Variants in NRXN1 observed in about 807,000 individuals in gnomAD.
The protein encoded by NRXN1 is neurexin 1, also known as neurexin-1.
NRXN1 carries 39 observed loss-of-function variants against 150.9 expected under a neutral mutation model. The ratio of observed to expected loss-of-function variants is 0.26; its 90% CI spans 0.20 to 0.34. The LOEUF (loss-of-function observed/expected upper bound fraction) is 0.34. Ranked by LOEUF, NRXN1 falls within the 10% of genes least tolerant of loss-of-function variation. The pLI, the probability that NRXN1 is intolerant of heterozygous loss-of-function variation, is 1.00. For synonymous variants in NRXN1, 924 were observed against 757.0 expected (o/e 1.22, Z -3.62); for missense variants, 1,815 against 1,949.9 (o/e 0.93, Z 1.30).
chr2:50,077,438 T>C (rs1697281523), intron 19 of NRXN1, among the ~76,000 whole-genome samples: 2 of 151,398 alleles, frequency 1.3e-5, no homozygotes, highest in African/African-American at 2.5e-5. Flanking sequence ...ATTGTGCTCA[T>C]TCTGCCTTTC....
intron 17 of NRXN1, among the ~76,000 whole-genome samples, chr2:50,377,973 G>A (rs888897074): frequency 6.6e-6 from 1 of 152,130 alleles, no homozygotes; most frequent in Non-Finnish European, 1.5e-5. Flanking sequence ...AACTGTCCAA[G>A]TTCAATGACA....
intron 2 of NRXN1, chr2:51,026,544 C>A (rs1020732655): frequency 3.1e-5 from 30 of 956,666 alleles, no homozygotes; most frequent in Non-Finnish European, 4.2e-5. Flanking sequence ...CCAAGAACCA[C>A]AGAAATTACA....
intron 5 of NRXN1, among the ~76,000 whole-genome samples, chr2:50,756,967 C>T (rs768282058): frequency 5.9e-5 from 9 of 151,756 alleles, no homozygotes; most frequent in Non-Finnish European, 1.2e-4. Context: ...GGCTGTGTTG[C>T]TGTGGCTAAA....
chr2:50,497,367 C>T lies in NRXN1; in HGVS notation c.2845G>A (p.Gly949Arg), dbSNP rs868833247. Reference protein sequence around the residue: ...DGLILYNSGDGNDFIVVELVK... With the variant: ...DGLILYNSGDRNDFIVVELVK... ...AATTCAACCACAATAAAGTCATTTC[C>T]ATCCCCACTGTTATATAGAATTAAT... Residue 949 changes from glycine to arginine, a missense_variant, in exon 14 of 23, where the codon GGA becomes AGA. Transcript: ENST00000401669. 1.9e-6 allele frequency: 3 copies of T among 1,553,886 alleles called. No homozygotes were observed. In the African/African-American group the frequency reaches 4.1e-5, roughly 21 times the overall value.
chr2:50,734,913 G>C (rs1451935725), intron 5 of NRXN1, among the ~76,000 whole-genome samples: 4 of 152,090 alleles, frequency 2.6e-5, no homozygotes, highest in Non-Finnish European at 4.4e-5. Flanking sequence ...CGAACAACAA[G>C]TAGTTGAAAG....
At chr2:50,354,634 T>C (rs989370516) in intron 17 of NRXN1, among the ~76,000 whole-genome samples, 2 of 148,614 alleles carry the variant, frequency 1.3e-5, no homozygotes, top group African/African-American at 4.9e-5. Flanking sequence ...ATGGGTTTTT[T>C]TTCCCCTTGT....
chr2:50,527,261 G>A (rs930629913), intron 12 of NRXN1, among the ~76,000 whole-genome samples: 3 of 152,114 alleles, frequency 2.0e-5, no homozygotes, highest in Non-Finnish European at 2.9e-5. Context: ...AATATTTTGT[G>A]AGTTGCCACT....
intron 18 of NRXN1, among the ~76,000 whole-genome samples, chr2:50,215,009 A>C (rs768031112): frequency 6.6e-6 from 1 of 152,048 alleles, no homozygotes; most frequent in Non-Finnish European, 1.5e-5. Flanking sequence ...CCTGAATTGT[A>C]CATATCACAG....
chr2:50,424,184 A>G (rs189938317), intron 17 of NRXN1, among the ~76,000 whole-genome samples: 81 of 31,202 alleles, frequency 2.6e-3, no homozygotes, highest in Non-Finnish European at 2.8e-3. Context: ...GGGAGGAGGA[A>G]GAGGGGGAGG....
chr2:50,636,355 T>A (rs2059309), intron 5 of NRXN1, among the ~76,000 whole-genome samples: 20,583 of 152,148 alleles, frequency 0.14, 1,628 homozygotes, highest in Non-Finnish European at 0.18. Flanking sequence ...TTTACCACCC[T>A]ACTTAGCCTC....
intron 16 of NRXN1, among the ~76,000 whole-genome samples, chr2:50,469,451 G>C (rs147829687): frequency 1.3e-5 from 2 of 151,622 alleles, no homozygotes; most frequent in African/African-American, 4.8e-5. Context: ...CTCCTCACAA[G>C]ATATTATTAG....
At chr2:50,569,512 ATATAT>A (rs1482284561) in intron 8 of NRXN1, among the ~76,000 whole-genome samples, 12 of 152,114 alleles carry the variant, frequency 7.9e-5, no homozygotes, top group South Asian at 2.1e-4. Context: ...AATTTGTTAT[ATATAT>A]TATATGTAAT....
chr2:50,024,508 T>C (rs1209602255), intron 21 of NRXN1, among the ~76,000 whole-genome samples: 1 of 152,200 alleles, frequency 6.6e-6, no homozygotes, highest in African/African-American at 2.4e-5. Context: ...GGGGGGAAGA[T>C]TGGGCTTTTT....
At chr2:50,472,795 TTGTGTG>T (rs113192574) in intron 15 of NRXN1, among the ~76,000 whole-genome samples, 8 of 138,560 alleles carry the variant, frequency 5.8e-5, no homozygotes, top group South Asian at 2.3e-4. Flanking sequence ...CCCTACAGCC[TTGTGTG>T]TGTGTGTGTG....
chr2:50,838,971 G>C (rs1381102999), intron 5 of NRXN1, among the ~76,000 whole-genome samples: 1 of 152,138 alleles, frequency 6.6e-6, no homozygotes, highest in East Asian at 1.9e-4. Context: ...AAATCTTGCT[G>C]ACCAAGATCT....
chr2:50,492,970 T>C (rs1456997353), intron 15 of NRXN1, among the ~76,000 whole-genome samples: 2 of 152,168 alleles, frequency 1.3e-5, no homozygotes, highest in Non-Finnish European at 2.9e-5. Context: ...ACTGCCTTGG[T>C]TGGTCTGAGA....
chr2:50,787,609 A>T (rs1438677136), intron 5 of NRXN1, among the ~76,000 whole-genome samples: 1 of 151,872 alleles, frequency 6.6e-6, no homozygotes, highest in Non-Finnish European at 1.5e-5. Flanking sequence ...AACAACAAAA[A>T]CAAGAAAACA....
chr2:50,696,554 G>A (rs1229856735), intron 5 of NRXN1, among the ~76,000 whole-genome samples: 1 of 152,060 alleles, frequency 6.6e-6, no homozygotes, highest in Non-Finnish European at 1.5e-5. Flanking sequence ...GGAGAAAACT[G>A]TTTATGCCTC....
At chr2:50,058,388 T>G (rs1350463661) in intron 19 of NRXN1, among the ~76,000 whole-genome samples, 1 of 152,228 alleles carries the variant, frequency 6.6e-6, no homozygotes, top group Admixed American at 6.5e-5. Flanking sequence ...AGATGCCTAC[T>G]AATTCAGTGA....
Sources: allele counts gnomAD v4.1 joint callset (sites outside exome capture counted in the v4.1 genomes callset), GRCh38; gene constraint gnomAD v4.1.1; transcripts MANE v1.5; gene names NCBI Gene and HGNC (gene_info 2026-07-23, HGNC 2026-07-21).